The following JCAD variants were observed in gnomAD, a reference collection of about 807,000 sequenced individuals.
JCAD encodes the protein junctional cadherin 5 associated.
In JCAD, 40 loss-of-function variants were observed where a neutral mutation model predicts 98.0. That is an observed-to-expected ratio of 0.41 (90% CI 0.32 to 0.53). JCAD has a LOEUF of 0.53. JCAD is among the 20% of genes least tolerant of loss of function. The probability of loss-of-function intolerance (pLI) is 0.31; values close to 1 mark genes in which losing one functional copy is unlikely to be tolerated. For synonymous variants in JCAD, 691 were observed against 682.3 expected, an observed-to-expected ratio of 1.01 and a Z score of -0.20; for missense variants, 1,705 against 1,738.1, an observed-to-expected ratio of 0.98 and a Z score of 0.34.
intron 2 of JCAD, among the ~76,000 whole-genome samples, chr10:30,037,934 TA>T (rs57504197): frequency 5.0e-3 from 550 of 109,286 alleles, no homozygotes; most frequent in East Asian, 8.3e-3. Flanking sequence ...ATGGAAAAAT[TA>T]AAAAAAAAAA....
intron 1 of JCAD, among the ~76,000 whole-genome samples, chr10:30,074,290 C>A (rs1246694179): frequency 6.6e-6 from 1 of 152,096 alleles, no homozygotes; most frequent in East Asian, 1.9e-4. Context: ...AGGCAACTGG[C>A]CAAGCAGAGA....
At chr10:30,112,547 A>C (rs1838722114) in intron 1 of JCAD, among the ~76,000 whole-genome samples, 1 of 152,184 alleles carries the variant, frequency 6.6e-6, no homozygotes, top group African/African-American at 2.4e-5. Flanking sequence ...AGCCAGACAC[A>C]AAAAGTCACA....
At chr10:30,096,021 T>G (rs1838361967) in intron 1 of JCAD, among the ~76,000 whole-genome samples, 1 of 152,196 alleles carries the variant, frequency 6.6e-6, no homozygotes, top group South Asian at 2.1e-4. Context: ...AGGGAAAAAA[T>G]GCAGTATTTT....
rs1392922164 is a variant in JCAD, at chr10:30,029,318, T to G, written c.830A>C (p.Lys277Thr). 2 of 1,614,062 alleles carry G rather than the reference T, an allele frequency of 1.2e-6. No individual in the cohort carries two copies. Among genetic ancestry groups the G allele is most frequent in the Non-Finnish European group, 1.7e-6 (2 of 1,180,044 alleles). The change falls in exon 3 of 4, where the codon AAG (lysine) becomes ACG (threonine). Residue 277 changes from lysine to threonine, a missense_variant. This residue lies in a region of JCAD where 275 missense variants were observed against 346.9 expected (regional missense o/e 0.79). Coordinates refer to ENST00000375377, the MANE Select transcript of JCAD (RefSeq NM_020848.4). The part of the protein sequence containing the change: ...PNLDSTRNSE[K>T]SGCSAPFPRP... ...GGGAAATGGGGCTGAGCAGCCACTC[T>G]TCTCAGAATTCCTCGTGGAGTCCAA...
chr10:30,085,678 G>T (rs1838155751), intron 1 of JCAD, among the ~76,000 whole-genome samples: 1 of 152,190 alleles, frequency 6.6e-6, no homozygotes, highest in Non-Finnish European at 1.5e-5. Flanking sequence ...GGGCAGTGGA[G>T]ATGGGGAGTG....
chr10:30,047,793 AGGTCTTC>A lies in JCAD; in HGVS notation c.13_19del (p.Glu5SerfsTer2). 1 of 1,613,314 alleles carries A rather than the reference AGGTCTTC, an allele frequency of 6.2e-7. No homozygotes were observed. The highest frequency in any genetic ancestry group is 8.5e-7 in the Non-Finnish European group (1 of 1,179,636). ...CAGCTTGTATCCATGAGAGATCAGG[AGGTCTTC>A]TACACTGTACATGATGCCTGGGCTT... On this transcript the variant is annotated frameshift_variant, in exon 2 of 4. Transcript: ENST00000375377. LOFTEE classifies it high-confidence loss of function.
At chr10:30,037,561 A>T (rs1837140654) in intron 2 of JCAD, among the ~76,000 whole-genome samples, 1 of 152,224 alleles carries the variant, frequency 6.6e-6, no homozygotes, top group Admixed American at 6.5e-5. Flanking sequence ...GTCACAATGA[A>T]TGACTCTAGA....
Position 30,067,169 on chromosome 10 carries a change from C to CAA in JCAD, n.250+2529_250+2530dup, listed in dbSNP as rs1382726512. On this transcript the variant is annotated intron_variant and non_coding_transcript_variant, in intron 2 of 2. Coordinates refer to the JCAD transcript ENST00000465712. ...TGGGCAACACAGCAAGACCCTGTCT[C>CAA]AAAAAAAAAAAAAAGAACTATGCAA... is the stretch of plus-strand genomic sequence containing the variant. Among the ~76,000 whole-genome samples the CAA allele has an allele frequency of 8.2e-3, 1,014 of 123,314 alleles. 14 individuals are homozygous for CAA. The highest frequency in any genetic ancestry group is 0.029 in the African/African-American group (979 of 34,142). 80.9% of individuals were successfully genotyped at this position (123,314 alleles called of 152,430 possible).
In JCAD at chr10:30,015,113, C is replaced by CT. The variant is rs1306757716; in HGVS notation, c.*2769dup. 2.0e-5 allele frequency: 3 copies of CT among 152,188 alleles called. No individual in the cohort carries two copies. The highest frequency in any genetic ancestry group is 4.4e-5 in the Non-Finnish European group (3 of 68,020). The allele number at this position is 152,188 out of a possible 1,614,324, so 9.4% of individuals were successfully genotyped here. On this transcript the variant is annotated 3_prime_UTR_variant, in exon 4 of 4. Transcript: ENST00000375377. Reference sequence around the variant, plus strand: ...AGCTAAATTACCATCATTTTCCCTTCTTTTGCAAATCAAGAAATACTAATC... The same window carrying CT: ...AGCTAAATTACCATCATTTTCCCTTCTTTTTGCAAATCAAGAAATACTAATC...
intron 1 of JCAD, among the ~76,000 whole-genome samples, chr10:30,079,542 C>G (rs1415327757): frequency 6.6e-6 from 1 of 152,140 alleles, no homozygotes; most frequent in Non-Finnish European, 1.5e-5. Context: ...TTGCCCCTGT[C>G]TAGGCAGAGA....
chr10:30,036,814 C>T (rs908028736), intron 2 of JCAD, among the ~76,000 whole-genome samples: 7 of 152,234 alleles, frequency 4.6e-5, no homozygotes, highest in African/African-American at 1.7e-4. Flanking sequence ...TGGGGAGGCC[C>T]CATTAAAGCC....
rs953814014 is a variant in JCAD, at chr10:30,049,082, C to T, written c.-59-1211G>A. On this transcript the variant is annotated intron_variant, in intron 1 of 3. Transcript: ENST00000375377. The stretch of plus-strand genomic sequence containing the variant: ...TACCTACGAGCAAAAGAGGGAGAGC[C>T]GCCCTGTTTATTCCTACATGAGAAC... 2.6e-5 allele frequency among the ~76,000 whole-genome samples: 4 copies of T among 152,314 alleles called. No homozygotes were observed. In the East Asian group the frequency reaches 5.8e-4, roughly 22 times the overall value.
At chr10:30,060,110 TACACACAC>T (rs3074761), upstream of JCAD, among the ~76,000 whole-genome samples, 3 of 149,988 alleles carry the variant, frequency 2.0e-5, no homozygotes, top group Non-Finnish European at 4.4e-5. Context: ...AGTATGGCTA[TACACACAC>T]ACACACACAC....
rs1214971958 is a variant in JCAD, at chr10:30,013,197, C to T, written c.*4686G>A. ...TGGTGGTGTGCACCTGTAGTCCCAG[C>T]TACTAAGGAGGTTGAGGTGGGGATA... On this transcript the variant is annotated 3_prime_UTR_variant, in exon 4 of 4. Transcript: ENST00000375377. 6.6e-6 allele frequency: 1 copy of T among 152,278 alleles called. No homozygotes were observed. The highest frequency in any genetic ancestry group is 1.5e-5 in the Non-Finnish European group (1 of 68,164). The allele number at this position is 152,278 out of a possible 1,614,324, so 9.4% of individuals were successfully genotyped here.
chr10:30,073,249 C>T (rs143864320), intron 1 of JCAD, among the ~76,000 whole-genome samples: 7 of 152,288 alleles, frequency 4.6e-5, no homozygotes, highest in Admixed American at 2.6e-4. Context: ...AGGCAAATGA[C>T]GTCATGTCTC....
At chr10:30,109,218 A>G (rs916073912) in intron 1 of JCAD, among the ~76,000 whole-genome samples, 1 of 152,178 alleles carries the variant, frequency 6.6e-6, no homozygotes, top group Non-Finnish European at 1.5e-5. Context: ...CCTTGATGGG[A>G]CAAAGAAGCC....
intron 1 of JCAD, among the ~76,000 whole-genome samples, chr10:30,058,238 A>G (rs1446222033): frequency 6.6e-6 from 1 of 152,224 alleles, no homozygotes; most frequent in Non-Finnish European, 1.5e-5. Context: ...GAAACATCAC[A>G]TTAAACTGTC....
chr10:30,103,733 CTTT>C (rs3858238), intron 1 of JCAD, among the ~76,000 whole-genome samples: 1 of 126,734 alleles, frequency 7.9e-6, no homozygotes. Flanking sequence ...GTCAATTTTT[CTTT>C]TTTTTTTTTT....
chr10:30,050,854 C>T (rs1017667585), intron 1 of JCAD, among the ~76,000 whole-genome samples: 10 of 152,226 alleles, frequency 6.6e-5, no homozygotes. Flanking sequence ...CTAATAACAT[C>T]AACTATTCAT....
Sources: allele counts gnomAD v4.1 joint callset (sites outside exome capture counted in the v4.1 genomes callset), GRCh38; gene constraint gnomAD v4.1.1; regional missense constraint gnomAD v4.1.1; transcripts MANE v1.5; gene names NCBI Gene and HGNC (gene_info 2026-07-23, HGNC 2026-07-21).